PSD3: variants seen among roughly 807,000 people sequenced by gnomAD.
PSD3 encodes pleckstrin and Sec7 domain containing 3, also known as PH and SEC7 domain-containing protein 3.
In PSD3, 49 loss-of-function variants were observed where a neutral mutation model predicts 105.5. The ratio of observed to expected loss-of-function variants is 0.46; its 90% CI spans 0.37 to 0.59. The LOEUF (loss-of-function observed/expected upper bound fraction) is 0.59, where lower values mean the gene tolerates loss of function less well. PSD3 is among the 20% of genes least tolerant of loss of function. The probability of loss-of-function intolerance (pLI) is 0.00; values close to 1 mark genes in which losing one functional copy is unlikely to be tolerated. For missense variants in PSD3, 1,561 were observed against 1,263.8 expected (o/e 1.24, Z -3.57); for synonymous variants, 557 against 457.8 (o/e 1.22, Z -2.77).
chr8:18,772,560 G>A (rs1242248204), intron 8 of PSD3, among the ~76,000 whole-genome samples: 2 of 152,140 alleles, frequency 1.3e-5, no homozygotes, highest in Non-Finnish European at 2.9e-5. Flanking sequence ...CCAGGCTGGA[G>A]TGCAGTGGCA....
intron 8 of PSD3, among the ~76,000 whole-genome samples, chr8:18,785,504 T>A (rs2129445705): frequency 6.6e-6 from 1 of 152,168 alleles, no homozygotes; most frequent in East Asian, 1.9e-4. Context: ...AAGGGAATAC[T>A]GTGGCTGGTT....
intron 4 of PSD3, among the ~76,000 whole-genome samples, chr8:18,821,875 CACACA>C (rs1812768061): frequency 1.5e-5 from 1 of 66,560 alleles, no homozygotes; most frequent in Non-Finnish European, 3.3e-5. Flanking sequence ...ACACACACCA[CACACA>C]CACACACACA....
intron 11 of PSD3, among the ~76,000 whole-genome samples, chr8:18,613,169 C>T (rs1309401653): frequency 1.3e-5 from 2 of 152,074 alleles, no homozygotes; most frequent in East Asian, 3.9e-4. Flanking sequence ...ACCCCTCCTG[C>T]CCCCAACACC....
At chr8:18,814,654 T>C (rs538467384) in intron 4 of PSD3, among the ~76,000 whole-genome samples, 6 of 152,316 alleles carry the variant, frequency 3.9e-5, no homozygotes, top group South Asian at 4.2e-4. Context: ...GCTTTAGAAA[T>C]AGAAATACAT....
At chr8:18,544,184 A>AAAAAAAAAAAAAAAAAAAAAC (rs1446839179) in intron 15 of PSD3, among the ~76,000 whole-genome samples, 1 of 51,770 alleles carries the variant, frequency 1.9e-5, no homozygotes, top group African/African-American at 3.6e-5. Context: ...AAAAAAAAAA[A>AAAAAAAAAAAAAAAAAAAAAC]AAAAAAAAAA....
At chr8:19,024,526 A>C (rs1827476532) in intron 1 of PSD3, among the ~76,000 whole-genome samples, 1 of 152,192 alleles carries the variant, frequency 6.6e-6, no homozygotes, top group African/African-American at 2.4e-5. Flanking sequence ...AACCCTTGGA[A>C]TTTCCTGAGT....
intron 1 of PSD3, among the ~76,000 whole-genome samples, chr8:19,075,548 C>G (rs1304291272): frequency 2.0e-5 from 3 of 152,226 alleles, no homozygotes; most frequent in African/African-American, 7.2e-5. Context: ...TCTTTACATT[C>G]TTTCAATTCA....
intron 1 of PSD3, among the ~76,000 whole-genome samples, chr8:19,053,291 C>T (rs1372478618): frequency 1.3e-5 from 2 of 152,074 alleles, no homozygotes; most frequent in African/African-American, 4.8e-5. Context: ...GTGCTGAGGA[C>T]AGAATCATCC....
intron 9 of PSD3, among the ~76,000 whole-genome samples, chr8:18,694,736 G>C (rs1296167916): frequency 6.6e-6 from 1 of 151,954 alleles, no homozygotes; most frequent in African/African-American, 2.4e-5. Context: ...AGCACTTTGG[G>C]AGGCCAAGAC....
chr8:19,055,306 T>A (rs958981388), intron 1 of PSD3, among the ~76,000 whole-genome samples: 4 of 152,088 alleles, frequency 2.6e-5, no homozygotes, highest in African/African-American at 9.7e-5. Flanking sequence ...CAGGCTGGAG[T>A]GCAATGGCAG....
intron 2 of PSD3, among the ~76,000 whole-genome samples, chr8:18,913,132 C>G (rs905972795): frequency 6.6e-6 from 1 of 150,552 alleles, no homozygotes; most frequent in Non-Finnish European, 1.5e-5. Flanking sequence ...CACTCTCCTT[C>G]TCCTATTTCA....
chr8:18,786,776 C>G (rs936658125), intron 8 of PSD3: 5 of 152,192 alleles, frequency 3.3e-5, no homozygotes, highest in African/African-American at 7.2e-5. Flanking sequence ...TTCTCGAATG[C>G]TTGACTAGCT....
chr8:18,861,385 A>C (rs540255031), intron 4 of PSD3, among the ~76,000 whole-genome samples: 1 of 152,144 alleles, frequency 6.6e-6, no homozygotes, highest in African/African-American at 2.4e-5. Context: ...CTCACCCTTG[A>C]GAGCCCTCTC....
chr8:19,013,441 G>C (rs2129475480), intron 1 of PSD3, 122 bp downstream of exon 1: 1 of 1,380,774 alleles, frequency 7.2e-7, no homozygotes, highest in South Asian at 1.2e-5. Context: ...TATCCAGACA[G>C]CACAAACCCA....
intron 2 of PSD3, 25 bp from the exon 3 acceptor site, chr8:18,872,758 A>G: frequency 6.6e-7 from 1 of 1,518,324 alleles, no homozygotes. Context: ...CAATGGACAT[A>G]TGACTTGTTG....
At chr8:18,803,394 T>TGC (rs1426710582) in intron 6 of PSD3, 1 of 148,734 alleles carries the variant, frequency 6.7e-6, no homozygotes, top group Non-Finnish European at 1.5e-5. Flanking sequence ...ATAAACTGTG[T>TGC]GTGTGTGTGT....
chr8:18,759,238 G>T (rs1806315229), intron 9 of PSD3, among the ~76,000 whole-genome samples: 2 of 152,042 alleles, frequency 1.3e-5, no homozygotes, highest in African/African-American at 2.4e-5. Context: ...ATATTCTAAT[G>T]TCAAACATCT....
intron 2 of PSD3, among the ~76,000 whole-genome samples, chr8:18,875,600 G>A (rs181543776): frequency 2.6e-5 from 4 of 151,622 alleles, no homozygotes; most frequent in East Asian, 3.9e-4. Context: ...GCAGTGGCGC[G>A]ATCTCGGCTC....
At chr8:18,848,285 T>A (rs1232240073) in intron 4 of PSD3, among the ~76,000 whole-genome samples, 1 of 152,204 alleles carries the variant, frequency 6.6e-6, no homozygotes, top group Non-Finnish European at 1.5e-5. Context: ...AACATAAATA[T>A]GACTTCTACC....
Sources: allele counts gnomAD v4.1 joint callset (sites outside exome capture counted in the v4.1 genomes callset), GRCh38; gene constraint gnomAD v4.1.1; transcripts MANE v1.5; gene names NCBI Gene and HGNC (gene_info 2026-07-23, HGNC 2026-07-21).